The following CRLF1 variants were observed in gnomAD, a reference collection of about 807,000 sequenced individuals.
CRLF1 encodes the protein cytokine receptor-like factor 1.
CRLF1 carries 36 observed loss-of-function variants against 48.9 expected under a neutral mutation model. That is an observed-to-expected ratio of 0.74 (90% confidence interval 0.56 to 0.97). The LOEUF is 0.97. CRLF1 is among the 50% of genes least tolerant of loss of function. CRLF1 has a pLI of 0.00. For synonymous variants in CRLF1, 256 were observed against 253.4 expected, an observed-to-expected ratio of 1.01 and a Z score of -0.10; for missense variants, 534 against 575.1, an observed-to-expected ratio of 0.93 and a Z score of 0.73.
chr19:18,600,455 G>A (rs576730793), intron 1 of CRLF1, among the ~76,000 whole-genome samples: 5 of 151,526 alleles, frequency 3.3e-5, no homozygotes, highest in Non-Finnish European at 5.9e-5. Flanking sequence ...TGCAAGCTCC[G>A]CCTCCCGGGA....
At chr19:18,599,070 G>T in intron 2 of CRLF1, 169 bp from the exon 3 acceptor site, 1 of 985,336 alleles carries the variant, frequency 1.0e-6, no homozygotes, top group South Asian at 4.7e-5. Context: ...TGTGACAACT[G>T]CAAGGGCTCT....
chr19:18,600,567 C>T (rs1265710376), intron 1 of CRLF1, among the ~76,000 whole-genome samples: 2 of 152,198 alleles, frequency 1.3e-5, no homozygotes, highest in South Asian at 2.1e-4. Flanking sequence ...GGGGTTTCAG[C>T]ATGTTAGCCA....
intron 8 of CRLF1, 46 bp downstream of exon 8, chr19:18,594,019 G>T: frequency 1.3e-6 from 2 of 1,537,820 alleles, no homozygotes; most frequent in African/African-American, 1.4e-5. Context: ...ACCGGAAGGG[G>T]CCCTCCCCTT....
intron 1 of CRLF1, among the ~76,000 whole-genome samples, chr19:18,601,365 C>T (rs1215858482): frequency 6.6e-6 from 1 of 152,174 alleles, no homozygotes; most frequent in Non-Finnish European, 1.5e-5. Flanking sequence ...CAATCTCCGC[C>T]TCCCAGGTTC....
chr19:18,600,261 C>T (rs1473865019), intron 1 of CRLF1, among the ~76,000 whole-genome samples: 2 of 152,038 alleles, frequency 1.3e-5, no homozygotes, highest in African/African-American at 2.4e-5. Context: ...TGCAGTGGCA[C>T]GATCTCGGCT....
Position 18,594,047 on chromosome 19 carries a change from C to CCTCT in CRLF1, c.1255+17_1255+18insAGAG. On this transcript the variant is annotated intron_variant, in intron 8 of 8. Transcript: ENST00000392386. ...CTCCCCTTGCTCCCTCCCGCCCACC[C>CCTCT]ATTCAGGCCCACCTTACCTCTCGCC... 1 of 1,527,488 alleles carries CCTCT rather than the reference C, an allele frequency of 6.5e-7. No individual in the cohort carries two copies. Among genetic ancestry groups the CCTCT allele is most frequent in the South Asian group, 1.2e-5 (1 of 82,306 alleles). The allele number at this position is 1,527,488 out of a possible 1,614,324, so 94.6% of individuals were successfully genotyped here. A position where few individuals can be genotyped will look rare whatever the true frequency, so the allele number is the denominator to read the frequency against.
Position 18,596,520 on chromosome 19 carries a change from C to T in CRLF1, c.1024+102G>A, listed in dbSNP as rs963893456. The T allele has an allele frequency of 7.2e-5, 100 of 1,388,102 alleles. No homozygotes were observed. In the Admixed American group the frequency reaches 2.2e-3, roughly 30 times the overall value. 86.0% of individuals were successfully genotyped at this position (1,388,102 alleles called of 1,614,324 possible). ...ACACCACTATGCGACAGAATGAGGC[C>T]GTGTCTCAAAAGAAAAAAAAAAGAA... is the stretch of plus-strand genomic sequence containing the variant. On this transcript the variant is annotated intron_variant, in intron 6 of 8. Coordinates refer to ENST00000392386, the MANE Select transcript of CRLF1 (RefSeq NM_004750.5).
chr19:18,603,134 G>T (rs1182746789), intron 1 of CRLF1, among the ~76,000 whole-genome samples: 1 of 152,288 alleles, frequency 6.6e-6, no homozygotes, highest in Non-Finnish European at 1.5e-5. Context: ...GGTACCTATA[G>T]TGTGTCCGGA....
intron 6 of CRLF1, among the ~76,000 whole-genome samples, chr19:18,595,615 G>C (rs1976122483): frequency 6.6e-6 from 1 of 152,206 alleles, no homozygotes; most frequent in Non-Finnish European, 1.5e-5. Flanking sequence ...CAAACACTTA[G>C]GTGGCACCCA....
intron 6 of CRLF1, 61 bp from the exon 7 acceptor site, chr19:18,594,495 A>C (rs1409562259): frequency 4.8e-6 from 6 of 1,243,980 alleles, no homozygotes; most frequent in Non-Finnish European, 6.1e-6. Context: ...CGCGGGCAGG[A>C]GAGGGGAGAC....
At chr19:18,604,219 G>A (rs1050037677) in intron 1 of CRLF1, among the ~76,000 whole-genome samples, 1 of 152,188 alleles carries the variant, frequency 6.6e-6, no homozygotes, top group Non-Finnish European at 1.5e-5. Context: ...CTGGGCCGGC[G>A]TGGCTCACTT....
At chr19:18,603,772 C>T (rs548642421) in intron 1 of CRLF1, among the ~76,000 whole-genome samples, 4 of 152,256 alleles carry the variant, frequency 2.6e-5, no homozygotes, top group South Asian at 4.1e-4. Context: ...GGCTCTGTCT[C>T]GCTGGAGCCT....
rs369152505 is a variant in CRLF1, at chr19:18,596,769, G to T, written c.877C>A (p.Gln293Lys). 4 of 1,613,938 alleles carry T rather than the reference G, an allele frequency of 2.5e-6. No individual in the cohort carries two copies. Among genetic ancestry groups the T allele is most frequent in the Non-Finnish European group, 3.4e-6 (4 of 1,180,004 alleles). ...DWKVVDDVSN[Q>K]TSCRLAGLKP... ...AGGCCGGCCAGGCGGCAGGAGGTCT[G>T]GTTGCTCACATCGTCCACCACCTGG... Residue 293 changes from glutamine (Q) to lysine (K), a missense_variant, in exon 6 of 9, where the codon CAG becomes AAG. Coordinates refer to ENST00000392386, the MANE Select transcript of CRLF1 (RefSeq NM_004750.5).
chr19:18,596,908 T>G lies in CRLF1; in HGVS notation c.839A>C (p.Asp280Ala). The change falls in exon 5 of 9, where the codon GAC becomes GCC. Residue 280 changes from aspartate (D) to alanine (A), a missense_variant. By Grantham distance (126) the Asp-to-Ala change is moderately radical (BLOSUM62 -2). Coordinates refer to ENST00000392386, the MANE Select transcript of CRLF1 (RefSeq NM_004750.5). ...GAGGGTCACCTTCCAGTCCACACTG[T>G]CCTCCACTCGGTAGCGGATCTGGTA... ...AKYQIRYRVE[D>A]SVDWKVVDDV... The G allele has an allele frequency of 6.2e-7, 1 of 1,613,968 alleles. No homozygotes were observed. The highest frequency in any genetic ancestry group is 8.5e-7 in the Non-Finnish European group (1 of 1,179,990).
At chr19:18,593,855 G>A (rs968696616) in intron 8 of CRLF1, 1 of 985,298 alleles carries the variant, frequency 1.0e-6, no homozygotes, top group Non-Finnish European at 1.2e-6. Flanking sequence ...CATTTTCAGG[G>A]CATTGAATGT....
chr19:18,606,291 G>A lies in CRLF1; in HGVS notation c.115+251C>T, dbSNP rs1352572595. Among the ~76,000 whole-genome samples the A allele has an allele frequency of 2.0e-5, 3 of 151,644 alleles. No homozygotes were observed. The highest frequency in any genetic ancestry group is 4.8e-5 in the African/African-American group (2 of 41,344). On this transcript the variant is annotated intron_variant, in intron 1 of 8. Transcript: ENST00000392386. This position sits in a 1 kb window ranked among gnomAD's most constrained non-coding sequence, Gnocchi z 4.8. ...GCCGCGATCCCCCCAGCCCCCGGGG[G>A]CCTGGCCTGGCGCCCTCGGCCCAGC...
chr19:18,606,640 C>A lies in CRLF1; in HGVS notation c.17G>T (p.Arg6Leu). The A allele has an allele frequency of 2.2e-6, 2 of 924,248 alleles. No homozygotes were observed. The highest frequency in any genetic ancestry group is 2.6e-6 in the Non-Finnish European group (2 of 771,788). The allele number at this position is 924,248 out of a possible 1,614,324, so 57.3% of individuals were successfully genotyped here. The part of the protein sequence containing the change: MPAGR[R>L]GPAAQSARRP... ...CCGCGCGGATTGGGCGGCGGGGCCC[C>A]GGCGGCCGGCGGGCATGGGGCCGGC... Residue 6 changes from arginine (R) to leucine (L), a missense_variant, in exon 1 of 9, where the codon CGG (arginine) becomes CTG (leucine). Transcript: ENST00000392386. The surrounding 1 kb of genome is among the most constrained non-coding windows in gnomAD (Gnocchi z 4.8).
chr19:18,597,555 A>T (rs1976157664), intron 4 of CRLF1, among the ~76,000 whole-genome samples: 1 of 148,880 alleles, frequency 6.7e-6, no homozygotes, highest in Admixed American at 6.7e-5. Context: ...TCAGCCTCCC[A>T]AGTAGCTGGG....
At chr19:18,605,964 G>A (rs1052749785) in intron 1 of CRLF1, among the ~76,000 whole-genome samples, 1 of 152,082 alleles carries the variant, frequency 6.6e-6, no homozygotes. Context: ...CGCCGGTGGC[G>A]GGGACTCCGC....
Sources: allele counts gnomAD v4.1 joint callset (sites outside exome capture counted in the v4.1 genomes callset), GRCh38; gene constraint gnomAD v4.1.1; non-coding constraint Gnocchi (gnomAD v3.1); transcripts MANE v1.5; gene names NCBI Gene and HGNC (gene_info 2026-07-23, HGNC 2026-07-21).